Variants in KIAA0825 observed in about 807,000 individuals in gnomAD.
KIAA0825 encodes uncharacterized protein KIAA0825.
A neutral mutation model predicts 147.6 loss-of-function variants in KIAA0825; 119 were observed. That is an observed-to-expected ratio of 0.81 (90% CI 0.69 to 0.94). The LOEUF (loss-of-function observed/expected upper bound fraction) is 0.94, where lower values mean the gene tolerates loss of function less well. KIAA0825 is among the 40% of genes least tolerant of loss of function. KIAA0825 has a pLI of 0.00. For synonymous variants in KIAA0825, 470 were observed against 518.1 expected (o/e 0.91, Z 1.26); for missense variants, 1,381 against 1,472.7 (o/e 0.94, Z 1.02).
intron 20 of KIAA0825, among the ~76,000 whole-genome samples, chr5:94,352,239 C>G (rs980280158): frequency 6.6e-6 from 1 of 152,016 alleles, no homozygotes; most frequent in Non-Finnish European, 1.5e-5. Context: ...ACAAACAATC[C>G]CATCAAAAAG....
intron 20 of KIAA0825, among the ~76,000 whole-genome samples, chr5:94,154,427 TAAATAA>T (rs1293210297): frequency 3.9e-5 from 6 of 152,226 alleles, no homozygotes; most frequent in Admixed American, 2.6e-4. Context: ...AATACACATA[TAAATAA>T]AATCTAGAAT....
intron 15 of KIAA0825, among the ~76,000 whole-genome samples, chr5:94,407,349 T>C (rs968423096): frequency 6.6e-6 from 1 of 152,212 alleles, no homozygotes; most frequent in African/African-American, 2.4e-5. Flanking sequence ...CCTAGTTATA[T>C]ATCCAGAAGA....
chr5:94,301,994 C>A (rs1301605264), intron 20 of KIAA0825, among the ~76,000 whole-genome samples: 2 of 152,200 alleles, frequency 1.3e-5, no homozygotes, highest in Admixed American at 6.5e-5. Flanking sequence ...ACTGTATTCA[C>A]CGAATGCATT....
chr5:94,609,884 C>T (rs1298503163), intron 1 of KIAA0825, among the ~76,000 whole-genome samples: 1 of 152,088 alleles, frequency 6.6e-6, no homozygotes, highest in Non-Finnish European at 1.5e-5. Context: ...AGCCCCACTC[C>T]TAAATTCCTT....
chr5:94,327,998 C>T (rs955552685), intron 20 of KIAA0825, among the ~76,000 whole-genome samples: 5 of 151,802 alleles, frequency 3.3e-5, no homozygotes, highest in Non-Finnish European at 7.4e-5. Context: ...GAGCTAGACT[C>T]CGTCTCAAAA....
chr5:94,535,465 G>A (rs1007841037), intron 3 of KIAA0825, among the ~76,000 whole-genome samples: 15 of 132,374 alleles, frequency 1.1e-4, no homozygotes, highest in Non-Finnish European at 1.8e-4. Flanking sequence ...AGCCGAAATC[G>A]TGCCATTGTA....
At chr5:94,374,548 A>G (rs1430602697) in intron 20 of KIAA0825, among the ~76,000 whole-genome samples, 3 of 152,114 alleles carry the variant, frequency 2.0e-5, no homozygotes, top group African/African-American at 7.2e-5. Context: ...TGTATCTATC[A>G]TAGTATTTGT....
chr5:94,602,497 A>C (rs1439837003), intron 1 of KIAA0825, among the ~76,000 whole-genome samples: 10 of 152,208 alleles, frequency 6.6e-5, no homozygotes, highest in Admixed American at 6.5e-4. Context: ...CTTGAATTGT[A>C]GTTCTCGTAA....
In KIAA0825 at chr5:94,297,715, C is replaced by G. The variant is rs1426308263; in HGVS notation, c.3710+86653G>C. ...GGCTCAAGCAGTTCTCCTGCCTTAG[C>G]CTTGTGAGTAATTGGGATTACAGGC... On this transcript the variant is annotated intron_variant, in intron 20 of 20. Coordinates refer to ENST00000682413, the MANE Select transcript of KIAA0825 (RefSeq NM_001145678.3). Among the ~76,000 whole-genome samples, 3 of 151,782 alleles carry G rather than the reference C, an allele frequency of 2.0e-5. No homozygotes were observed. The East Asian group carries it at 5.9e-4, about 30-fold the overall frequency.
intron 2 of KIAA0825, chr5:94,568,101 T>C (rs536376096): frequency 6.1e-6 from 1 of 163,968 alleles, no homozygotes; most frequent in South Asian, 1.9e-4. Flanking sequence ...CAACCATACC[T>C]AGCATTCCTA....
Position 94,520,636 on chromosome 5 carries a change from C to G in KIAA0825, c.582G>C (p.Gln194His). The G allele has an allele frequency of 1.9e-6, 3 of 1,613,418 alleles. No homozygotes were observed. The highest frequency in any genetic ancestry group is 2.5e-6 in the Non-Finnish European group (3 of 1,179,536). Residue 194 changes from glutamine to histidine, a missense_variant, in exon 5 of 21, where the codon CAG (glutamine) becomes CAC (histidine). Physicochemically the swap from Gln to His is conservative, Grantham distance 24. Coordinates refer to ENST00000682413, the MANE Select transcript of KIAA0825 (RefSeq NM_001145678.3). ...AAAGAAACAAGAGTTGTTGTAAGCA[C>G]TGCTTTTTCAATAAAATTTTTTGCT... The part of the protein sequence containing the change: ...NSQQKILLKK[Q>H]CLQQLLFLYP...
At chr5:94,241,887 A>G (rs1412919859) in intron 20 of KIAA0825, among the ~76,000 whole-genome samples, 2 of 152,208 alleles carry the variant, frequency 1.3e-5, no homozygotes, top group Non-Finnish European at 2.9e-5. Context: ...TGCTTTGTAT[A>G]TAATCCCAAG....
chr5:94,553,159 C>T (rs1775855279), intron 2 of KIAA0825, among the ~76,000 whole-genome samples: 1 of 152,148 alleles, frequency 6.6e-6, no homozygotes. Context: ...TAAGTAAAGG[C>T]TGGGCGGAGT....
chr5:94,284,284 T>C (rs1777576113), intron 20 of KIAA0825, among the ~76,000 whole-genome samples: 1 of 152,124 alleles, frequency 6.6e-6, no homozygotes, highest in Non-Finnish European at 1.5e-5. Context: ...TTGACAGGAT[T>C]ATGTTATGAA....
chr5:94,255,707 CTTTTTTTTTTT>C (rs57646287), intron 20 of KIAA0825, among the ~76,000 whole-genome samples: 20 of 47,798 alleles, frequency 4.2e-4, no homozygotes, highest in Non-Finnish European at 6.1e-4. Flanking sequence ...AGAATTATGG[CTTTTTTTTTTT>C]TTTTTTTTTT....
chr5:94,557,510 A>T (rs11959365), intron 2 of KIAA0825, among the ~76,000 whole-genome samples: 1 of 151,714 alleles, frequency 6.6e-6, no homozygotes, highest in African/African-American at 2.4e-5. Context: ...ATTTAGGGTT[A>T]GACCATTATG....
At chr5:94,234,300 G>A (rs1035364318) in intron 20 of KIAA0825, among the ~76,000 whole-genome samples, 1 of 151,908 alleles carries the variant, frequency 6.6e-6, no homozygotes, top group African/African-American at 2.4e-5. Context: ...GAACCCGGGA[G>A]GCGGAGCTTG....
At chr5:94,382,040 C>G (rs1748483362) in intron 20 of KIAA0825, among the ~76,000 whole-genome samples, 1 of 152,042 alleles carries the variant, frequency 6.6e-6, no homozygotes. Context: ...CATACATACA[C>G]TAGAATGTAG....
At chr5:94,252,902 A>G (rs1366424860) in intron 20 of KIAA0825, among the ~76,000 whole-genome samples, 1 of 152,088 alleles carries the variant, frequency 6.6e-6, no homozygotes. Context: ...TTACTACAGC[A>G]TAACTACCTT....
Sources: gnomAD v4.1 joint callset for allele counts (sites outside exome capture counted in the v4.1 genomes callset) on GRCh38, gnomAD v4.1.1 for gene constraint, MANE v1.5 for transcripts, NCBI Gene and HGNC (gene_info 2026-07-23, HGNC 2026-07-21) for gene names.